The following MELK variants were observed in gnomAD, a reference collection of about 807,000 sequenced individuals.
MELK encodes pEg3 kinase.
Under a neutral mutation model 85.0 loss-of-function variants are expected in MELK, and 81 were observed. That is an observed-to-expected ratio of 0.95 (90% confidence interval 0.80 to 1.15). The LOEUF is 1.15. MELK is among the 50% of genes most tolerant of loss of function. The pLI is 0.00. For missense variants in MELK, 754 were observed against 777.5 expected, an observed-to-expected ratio of 0.97 and a Z score of 0.36; for synonymous variants, 252 against 265.0, an observed-to-expected ratio of 0.95 and a Z score of 0.48.
intron 4 of MELK, 82 bp downstream of exon 4, chr9:36,589,734 AT>A (rs1823335133): frequency 3.0e-6 from 3 of 1,014,478 alleles, no homozygotes; most frequent in Non-Finnish European, 4.5e-6. Flanking sequence ...CACCTGAAAG[AT>A]TAGAAGAGAT....
intron 4 of MELK, 64 bp downstream of exon 4, chr9:36,589,716 G>T: frequency 8.4e-7 from 1 of 1,197,500 alleles, no homozygotes; most frequent in Non-Finnish European, 1.2e-6. Context: ...AAAGAGAAAA[G>T]TACATTTCAC....
At chr9:36,642,739 G>A (rs532419912) in intron 10 of MELK, among the ~76,000 whole-genome samples, 10 of 151,970 alleles carry the variant, frequency 6.6e-5, no homozygotes, top group African/African-American at 2.2e-4. Flanking sequence ...TTGTACAACC[G>A]AACTTTAACA....
intron 11 of MELK, among the ~76,000 whole-genome samples, chr9:36,646,750 G>A (rs770213797): frequency 6.6e-6 from 1 of 152,212 alleles, no homozygotes; most frequent in African/African-American, 2.4e-5. Context: ...AAGACTGAAG[G>A]CCTCAGGAGG....
chr9:36,646,119 A>C (rs902935615), intron 11 of MELK, among the ~76,000 whole-genome samples: 2 of 152,204 alleles, frequency 1.3e-5, no homozygotes, highest in East Asian at 1.9e-4. Flanking sequence ...TTCAATGCAC[A>C]GAAGAGCCCC....
chr9:36,589,563 A>G lies in MELK; in HGVS notation c.172A>G (p.Ile58Val). 1 of 1,614,004 alleles carries G rather than the reference A, an allele frequency of 6.2e-7. No homozygotes were observed. The highest frequency in any genetic ancestry group is 8.5e-7 in the Non-Finnish European group (1 of 1,179,942). Reference protein sequence around the residue: ...GSDLPRIKTEIEALKNLRHQH... With the variant: ...GSDLPRIKTEVEALKNLRHQH... ...TGATTTGCCCCGGATCAAAACGGAG[A>G]TTGAGGCCTTGAAGAACCTGAGACA... Residue 58 changes from isoleucine (I) to valine (V), a missense_variant, in exon 4 of 18, where the codon ATT (isoleucine) becomes GTT (valine). Ile to Val is a conservative substitution (Grantham distance 29). Transcript: ENST00000298048.
chr9:36,643,183 G>A, intron 11 of MELK, 100 bp downstream of exon 11: 1 of 913,508 alleles, frequency 1.1e-6, no homozygotes, highest in Non-Finnish European at 1.6e-6. Context: ...AGGAGTTCGA[G>A]ACCAGCCTGG....
chr9:36,583,706 A>C lies in MELK; in HGVS notation c.138A>C (p.Thr46=). The change falls in exon 3 of 18, where the codon ACA becomes ACC. Residue 46 remains threonine, a synonymous_variant. Coordinates refer to ENST00000298048, the MANE Select transcript of MELK (RefSeq NM_014791.4). ...MVAIKIMDKN[T]LGSDLPRIKT... is the part of the protein sequence containing the mutation. ...CTATAAAAATCATGGATAAAAACAC[A>C]CTAGGGGTAAGTTTAGATTTATTTA... 1.2e-6 allele frequency: 2 copies of C among 1,603,148 alleles called. No homozygotes were observed. Among genetic ancestry groups the C allele is most frequent in the African/African-American group, 1.3e-5 (1 of 74,762 alleles).
At chr9:36,616,387 CTT>C (rs60212848) in intron 8 of MELK, among the ~76,000 whole-genome samples, 5,212 of 114,512 alleles carry the variant, frequency 0.046, 322 homozygotes, top group African/African-American at 0.13. Context: ...ATGTCAAACT[CTT>C]TTTTTTTTTT....
chr9:36,665,179 A>G (rs73439183), intron 13 of MELK, among the ~76,000 whole-genome samples, 171 bp from the exon 14 acceptor site: 2,325 of 152,330 alleles, frequency 0.015, 52 homozygotes, highest in African/African-American at 0.052. Context: ...AGTGATCTAC[A>G]TGTATTAAAG....
chr9:36,584,494 ATTTTTTTTTTTTT>A (rs1015431561), intron 3 of MELK, among the ~76,000 whole-genome samples: 1 of 88,652 alleles, frequency 1.1e-5, no homozygotes, highest in Non-Finnish European at 2.3e-5. Flanking sequence ...ATTTTTTTGT[ATTTTTTTTTTTTT>A]TTTTTTTAGT....
intron 8 of MELK, among the ~76,000 whole-genome samples, chr9:36,624,527 G>T (rs906299249): frequency 6.6e-6 from 1 of 152,102 alleles, no homozygotes; most frequent in Non-Finnish European, 1.5e-5. Context: ...TCATTCACTT[G>T]TTTTCTCTGC....
rs542463644 is a variant in MELK, at chr9:36,667,645, G to A, written c.1409-1665G>A. ...ATTGTGTTGGTCAAAGCTATTATTG[G>A]TTGTTTCTTTTTAAACACGAGCCAC... On this transcript the variant is annotated intron_variant, in intron 14 of 17. Transcript: ENST00000298048. Among the ~76,000 whole-genome samples the A allele has an allele frequency of 7.2e-5, 11 of 152,312 alleles. No individual in the cohort carries two copies. In the South Asian group the frequency reaches 2.3e-3, roughly 32 times the overall value.
chr9:36,665,545 C>A lies in MELK; in HGVS notation c.1372C>A (p.Leu458Ile). Residue 458 changes from leucine (L) to isoleucine (I), a missense_variant, in exon 14 of 18, where the codon CTC becomes ATC. Physicochemically the swap from Leu to Ile is conservative, Grantham distance 5. Transcript: ENST00000298048. Reference sequence around the variant, plus strand: ...TAAGAACCAGCATAAGAGAGAAATACTCACTACGCCAAATCGTTACACTAC... The same window carrying A: ...TAAGAACCAGCATAAGAGAGAAATAATCACTACGCCAAATCGTTACACTAC... ...VNKNQHKREI[L>I]TTPNRYTTPS... 4 of 1,613,600 alleles carry A rather than the reference C, an allele frequency of 2.5e-6. No individual in the cohort carries two copies. Among genetic ancestry groups the A allele is most frequent in the Non-Finnish European group, 3.4e-6 (4 of 1,179,684 alleles).
intron 11 of MELK, among the ~76,000 whole-genome samples, chr9:36,643,731 G>A (rs1184282114): frequency 6.6e-6 from 1 of 151,988 alleles, no homozygotes; most frequent in African/African-American, 2.4e-5. Context: ...TCAGGAGATC[G>A]AGACCATCCT....
At chr9:36,675,662 C>T (rs1360616230) in intron 17 of MELK, among the ~76,000 whole-genome samples, 1 of 152,098 alleles carries the variant, frequency 6.6e-6, no homozygotes, top group Non-Finnish European at 1.5e-5. Context: ...AGTTTTTTCA[C>T]CTTACCTCTC....
intron 8 of MELK, among the ~76,000 whole-genome samples, chr9:36,627,509 A>ATTC (rs1336029422): frequency 6.9e-6 from 1 of 144,632 alleles, no homozygotes; most frequent in Non-Finnish European, 1.5e-5. Context: ...CAGAGAACCC[A>ATTC]TTCTCTCTCT....
At chr9:36,611,303 T>C (rs1826030730) in intron 8 of MELK, among the ~76,000 whole-genome samples, 1 of 152,218 alleles carries the variant, frequency 6.6e-6, no homozygotes, top group South Asian at 2.1e-4. Flanking sequence ...CTAGAAAGAC[T>C]GTGGAAACAG....
intron 8 of MELK, among the ~76,000 whole-genome samples, chr9:36,617,861 C>T (rs893677626): frequency 2.3e-4 from 35 of 152,178 alleles, no homozygotes; most frequent in African/African-American, 7.0e-4. Flanking sequence ...TGTGGTGGCT[C>T]GTGCCTGTAG....
Position 36,594,692 on chromosome 9 carries a change from C to T in MELK, c.326C>T (p.Thr109Ile). The T allele has an allele frequency of 1.9e-6, 3 of 1,614,038 alleles. No homozygotes were observed. Among genetic ancestry groups the T allele is most frequent in the Non-Finnish European group, 2.5e-6 (3 of 1,179,996 alleles). The change falls in exon 5 of 18, where the codon ACC becomes ATC. Residue 109 changes from threonine (T) to isoleucine (I), a missense_variant. By Grantham distance (89) the Thr-to-Ile change is moderately conservative (BLOSUM62 -1). Coordinates refer to ENST00000298048, the MANE Select transcript of MELK (RefSeq NM_014791.4). ...CAGGATCGCCTGTCAGAAGAGGAGA[C>T]CCGGGTTGTCTTCCGTCAGATAGTA... ...ISQDRLSEEE[T>I]RVVFRQIVSA...
Sources: allele counts gnomAD v4.1 joint callset (sites outside exome capture counted in the v4.1 genomes callset), GRCh38; gene constraint gnomAD v4.1.1; transcripts MANE v1.5; gene names NCBI Gene and HGNC (gene_info 2026-07-23, HGNC 2026-07-21).